Variants in GTF2A1L observed in about 807,000 individuals in gnomAD.
GTF2A1L encodes the protein TFIIA-alpha and beta-like factor.
GTF2A1L carries 48 observed loss-of-function variants against 49.7 expected under a neutral mutation model. That is an observed-to-expected ratio of 0.97 (90% confidence interval 0.77 to 1.23). The LOEUF (loss-of-function observed/expected upper bound fraction) is 1.23. Ranked by LOEUF, GTF2A1L falls within the 50% of genes most tolerant of loss-of-function variation. The pLI is 0.00. For synonymous variants in GTF2A1L, 246 were observed against 193.5 expected, an observed-to-expected ratio of 1.27 and a Z score of -2.25; for missense variants, 736 against 564.8, an observed-to-expected ratio of 1.30 and a Z score of -3.07.
intron 8 of GTF2A1L, among the ~76,000 whole-genome samples, chr2:48,674,070 G>A (rs1572782373): frequency 6.6e-6 from 1 of 152,202 alleles, no homozygotes; most frequent in African/African-American, 2.4e-5. Context: ...ATGCCTCTAT[G>A]AACATTTGGG....
intron 1 of GTF2A1L, among the ~76,000 whole-genome samples, chr2:48,618,345 G>A (rs1166716118): frequency 6.6e-6 from 1 of 151,978 alleles, no homozygotes; most frequent in Non-Finnish European, 1.5e-5. Flanking sequence ...TTCACTACCC[G>A]CCCATTTCGT....
At chr2:48,639,612 G>A (rs1677093582) in intron 3 of GTF2A1L, among the ~76,000 whole-genome samples, 1 of 152,054 alleles carries the variant, frequency 6.6e-6, no homozygotes, top group African/African-American at 2.4e-5. Flanking sequence ...AAACAACCTA[G>A]GCAATACCAT....
At chr2:48,657,456 G>T (rs1022684646) in intron 6 of GTF2A1L, among the ~76,000 whole-genome samples, 4 of 152,148 alleles carry the variant, frequency 2.6e-5, no homozygotes, top group Non-Finnish European at 5.9e-5. Flanking sequence ...GGGCTGCATA[G>T]TATTCCACGG....
At chr2:48,643,693 A>AT (rs71399070) in intron 4 of GTF2A1L, among the ~76,000 whole-genome samples, 20,056 of 119,920 alleles carry the variant, frequency 0.17, 2,320 homozygotes, top group Non-Finnish European at 0.21. Flanking sequence ...TATTAATACA[A>AT]TTTTTTTTTT....
chr2:48,633,074 T>C (rs1572707511), intron 3 of GTF2A1L: 2 of 262,234 alleles, frequency 7.6e-6, no homozygotes, highest in Non-Finnish European at 1.6e-5. Context: ...ATTGATTTTA[T>C]GTAATCTTTG....
rs1676479371 is a variant in GTF2A1L at position 48,629,869 on chromosome 2, A to G, written c.247+8579A>G. On this transcript the variant is annotated intron_variant, in intron 3 of 8. Coordinates refer to ENST00000403751, the MANE Select transcript of GTF2A1L (RefSeq NM_006872.5). Reference sequence around the variant, plus strand: ...GTTGCCCCATCACCATTTATTGACTAGGGAGTCCTTTCCCCGTTGCTTATT... The same window carrying G: ...GTTGCCCCATCACCATTTATTGACTGGGGAGTCCTTTCCCCGTTGCTTATT... Among the ~76,000 whole-genome samples, 2 of 144,698 alleles carry G rather than the reference A, an allele frequency of 1.4e-5. 1 individual carries two copies. Among genetic ancestry groups the G allele is most frequent in the Non-Finnish European group, 3.1e-5 (2 of 64,166 alleles). 94.9% of individuals were successfully genotyped at this position (144,698 alleles called of 152,430 possible).
chr2:48,661,243 CA>C (rs1678476011), intron 6 of GTF2A1L, among the ~76,000 whole-genome samples: 1 of 123,434 alleles, frequency 8.1e-6, no homozygotes. Flanking sequence ...ACTGCATCCC[CA>C]AACTTTTTTT....
At chr2:48,677,087 T>C (rs947068480) in intron 8 of GTF2A1L, among the ~76,000 whole-genome samples, 4 of 151,946 alleles carry the variant, frequency 2.6e-5, no homozygotes, top group African/African-American at 9.7e-5. Flanking sequence ...TGTCTGTCCA[T>C]AGGCCTATGC....
At chr2:48,652,782 C>G (rs1206021359) in intron 6 of GTF2A1L, among the ~76,000 whole-genome samples, 1 of 148,146 alleles carries the variant, frequency 6.8e-6, no homozygotes, top group Non-Finnish European at 1.5e-5. Context: ...GCAACCCTTG[C>G]CTCCCAGGTT....
chr2:48,677,097 C>G (rs1473348690), intron 8 of GTF2A1L, among the ~76,000 whole-genome samples: 1 of 151,760 alleles, frequency 6.6e-6, no homozygotes, highest in Non-Finnish European at 1.5e-5. Context: ...TAGGCCTATG[C>G]TACTCTGATT....
Position 48,645,067 on chromosome 2 carries a change from C to T in GTF2A1L, c.338C>T (p.Pro113Leu), listed in dbSNP as rs751769709. ...AACTCCAGTGCAAACTTTACTTTTC[C>T]TGGTTATCCCATTCATGTACCAGCA... ...TSNSSANFTF[P>L]GYPIHVPAGV... Residue 113 changes from proline to leucine, a missense_variant, in exon 5 of 9, where the codon CCT (proline) becomes CTT (leucine). Pro to Leu is a moderately conservative substitution (Grantham distance 98). Transcript: ENST00000403751. 11 of 1,612,390 alleles carry T rather than the reference C, an allele frequency of 6.8e-6. No homozygotes were observed. The East Asian group carries it at 2.0e-4, about 29-fold the overall frequency.
intron 6 of GTF2A1L, among the ~76,000 whole-genome samples, chr2:48,659,188 C>T (rs866734561): frequency 6.6e-6 from 1 of 152,048 alleles, no homozygotes; most frequent in African/African-American, 2.4e-5. Flanking sequence ...TGTATAGTGT[C>T]TTGAAGGTGT....
At chr2:48,674,501 A>C (rs1407142307) in intron 8 of GTF2A1L, among the ~76,000 whole-genome samples, 1 of 152,220 alleles carries the variant, frequency 6.6e-6, no homozygotes, top group African/African-American at 2.4e-5. Context: ...CATTTTATAC[A>C]AATAGAAAAC....
intron 6 of GTF2A1L, among the ~76,000 whole-genome samples, chr2:48,658,590 TTG>T (rs1678309474): frequency 6.6e-6 from 1 of 152,188 alleles, no homozygotes; most frequent in African/African-American, 2.4e-5. Flanking sequence ...TTCAGGCTCC[TTG>T]TTGGTTCCAC....
At chr2:48,625,516 GTTTTA>G (rs1218187962) in intron 3 of GTF2A1L, among the ~76,000 whole-genome samples, 3 of 143,872 alleles carry the variant, frequency 2.1e-5, no homozygotes, top group Non-Finnish European at 4.7e-5. Context: ...GTTGGCTGCT[GTTTTA>G]TTTTGTTATT....
chr2:48,643,422 G>A (rs142068928), intron 4 of GTF2A1L, among the ~76,000 whole-genome samples: 1 of 152,028 alleles, frequency 6.6e-6, no homozygotes, highest in Non-Finnish European at 1.5e-5. Flanking sequence ...TGCTTAGTGG[G>A]CTAGTTATTT....
chr2:48,647,442 C>G (rs1209820385), intron 6 of GTF2A1L, among the ~76,000 whole-genome samples: 2 of 152,074 alleles, frequency 1.3e-5, no homozygotes, highest in Non-Finnish European at 2.9e-5. Flanking sequence ...AAAAGGTAAT[C>G]TGTTTACCAG....
At chr2:48,619,843 AT>A (rs1675879375) in intron 1 of GTF2A1L, among the ~76,000 whole-genome samples, 1 of 152,178 alleles carries the variant, frequency 6.6e-6, no homozygotes, top group South Asian at 2.1e-4. Context: ...GCTTAATTTC[AT>A]TGTCATGGCA....
At chr2:48,637,313 A>G (rs187741608) in intron 3 of GTF2A1L, among the ~76,000 whole-genome samples, 1 of 152,236 alleles carries the variant, frequency 6.6e-6, no homozygotes, top group Non-Finnish European at 1.5e-5. Context: ...CAATACACTT[A>G]TGAATGTGGA....
Sources: allele counts gnomAD v4.1 joint callset (sites outside exome capture counted in the v4.1 genomes callset), GRCh38; gene constraint gnomAD v4.1.1; transcripts MANE v1.5; gene names NCBI Gene and HGNC (gene_info 2026-07-23, HGNC 2026-07-21).